Variants in KCNN2 observed in about 807,000 individuals in gnomAD.
KCNN2 encodes the protein small conductance calcium-activated potassium channel protein 2.
KCNN2 carries 24 observed loss-of-function variants against 55.5 expected under a neutral mutation model. That is an observed-to-expected ratio of 0.43 (90% CI 0.31 to 0.61). The LOEUF (loss-of-function observed/expected upper bound fraction) is 0.61, where lower values mean the gene tolerates loss of function less well. Ranked by LOEUF, KCNN2 falls within the 20% of genes least tolerant of loss-of-function variation. The pLI is 0.08. For missense variants in KCNN2, 754 were observed against 853.6 expected (o/e 0.88, Z 1.45); for synonymous variants, 431 against 336.1 (o/e 1.28, Z -3.09).
intron 1 of KCNN2, among the ~76,000 whole-genome samples, chr5:114,079,057 C>G (rs1018009647): frequency 2.6e-5 from 4 of 152,082 alleles, no homozygotes; most frequent in African/African-American, 9.7e-5. Flanking sequence ...TTGATTCTTT[C>G]CACTACCCTG....
At chr5:114,361,647 C>CT (rs1290050356), upstream of KCNN2, among the ~76,000 whole-genome samples, 1 of 55,000 alleles carries the variant, frequency 1.8e-5, no homozygotes, top group Non-Finnish European at 4.1e-5. Flanking sequence ...CCTGAGCCTG[C>CT]CCCCGGCCAA....
intron 2 of KCNN2, among the ~76,000 whole-genome samples, chr5:114,281,006 C>A (rs1281955514): frequency 6.6e-6 from 1 of 152,062 alleles, no homozygotes; most frequent in African/African-American, 2.4e-5. Flanking sequence ...TTAGAGAATA[C>A]CCTACACCCC....
At chr5:114,349,513 G>T (rs1039382118) in intron 2 of KCNN2, among the ~76,000 whole-genome samples, 1 of 151,834 alleles carries the variant, frequency 6.6e-6, no homozygotes, top group African/African-American at 2.4e-5. Context: ...TTAGACTTGG[G>T]TCTCATCCCC....
At chr5:114,309,175 C>G (rs796768272) in intron 2 of KCNN2, among the ~76,000 whole-genome samples, 2 of 152,168 alleles carry the variant, frequency 1.3e-5, no homozygotes, top group Non-Finnish European at 2.9e-5. Flanking sequence ...TATTTGAAAG[C>G]TTGCATATTA....
At chr5:114,443,930 G>A (rs1000537168) in intron 3 of KCNN2, among the ~76,000 whole-genome samples, 1 of 152,170 alleles carries the variant, frequency 6.6e-6, no homozygotes, top group Non-Finnish European at 1.5e-5. Context: ...TAATGGCTTG[G>A]GGTATATGCT....
intron 1 of KCNN2, among the ~76,000 whole-genome samples, chr5:114,211,369 G>T (rs186053186): frequency 6.6e-6 from 1 of 152,028 alleles, no homozygotes; most frequent in Non-Finnish European, 1.5e-5. Flanking sequence ...ACCATGAAAC[G>T]CTATGCAGCC....
At chr5:114,464,979 C>G (rs965726230) in intron 4 of KCNN2, among the ~76,000 whole-genome samples, 30 of 152,192 alleles carry the variant, frequency 2.0e-4, no homozygotes, top group African/African-American at 7.2e-4. Flanking sequence ...ATAAATGATG[C>G]TATTTATAAA....
chr5:114,450,038 C>T (rs1348496883), intron 3 of KCNN2, among the ~76,000 whole-genome samples: 1 of 152,172 alleles, frequency 6.6e-6, no homozygotes, highest in African/African-American at 2.4e-5. Context: ...CTGAACTCTG[C>T]AGAGCAGCTG....
At position 114,412,817 on chromosome 5, in the gene KCNN2, A is replaced by G. The variant is rs184692604; in HGVS notation, c.1637+7961A>G. ...TTCTTTAATAGTTGTAAAAGTAGTC[A>G]TAAAATATGCATTGCAGTGCTGGGA... On this transcript the variant is annotated intron_variant, in intron 3 of 7. Transcript: ENST00000673685. 3.7e-3 allele frequency among the ~76,000 whole-genome samples: 566 copies of G among 152,374 alleles called. 2 individuals are homozygous for G. In the Middle Eastern group the frequency reaches 0.041, roughly 11 times the overall value.
intron 2 of KCNN2, among the ~76,000 whole-genome samples, chr5:114,248,216 A>G (rs1476988200): frequency 2.0e-5 from 3 of 152,194 alleles, no homozygotes; most frequent in African/African-American, 7.2e-5. Context: ...GATGATTCAA[A>G]TACGCATTAT....
chr5:114,165,280 C>T (rs112395845), intron 1 of KCNN2, among the ~76,000 whole-genome samples: 14 of 152,290 alleles, frequency 9.2e-5, no homozygotes, highest in African/African-American at 3.1e-4. Flanking sequence ...ACAGATCCCT[C>T]CTCTTCCTCT....
chr5:114,302,346 A>C (rs1397536629), intron 2 of KCNN2, among the ~76,000 whole-genome samples: 1 of 152,106 alleles, frequency 6.6e-6, no homozygotes, highest in Non-Finnish European at 1.5e-5. Context: ...CATTCCAAAG[A>C]CATTTATTTA....
At chr5:114,339,905 G>T (rs1424613468) in intron 2 of KCNN2, among the ~76,000 whole-genome samples, 1 of 152,096 alleles carries the variant, frequency 6.6e-6, no homozygotes, top group Non-Finnish European at 1.5e-5. Context: ...ACAGAAGGAT[G>T]GTGCTGAATT....
chr5:114,079,671 G>A (rs1176149918), intron 1 of KCNN2, among the ~76,000 whole-genome samples: 1 of 152,072 alleles, frequency 6.6e-6, no homozygotes, highest in East Asian at 1.9e-4. Context: ...ATTTGATTCT[G>A]CTTGCCTTGG....
chr5:114,097,757 A>AC (rs1350167360), intron 1 of KCNN2, among the ~76,000 whole-genome samples: 1 of 152,138 alleles, frequency 6.6e-6, no homozygotes, highest in African/African-American at 2.4e-5. Flanking sequence ...GAGAGTGGCC[A>AC]CTAGCTCCCC....
At chr5:114,440,141 A>G (rs932826580) in intron 3 of KCNN2, among the ~76,000 whole-genome samples, 12 of 152,192 alleles carry the variant, frequency 7.9e-5, no homozygotes, top group Non-Finnish European at 1.8e-4. Context: ...AGCCAAGTAA[A>G]GAAAAAAGAA....
chr5:114,343,585 G>A (rs770098906), intron 2 of KCNN2, among the ~76,000 whole-genome samples: 4 of 152,100 alleles, frequency 2.6e-5, no homozygotes, highest in Non-Finnish European at 5.9e-5. Context: ...AGAAAGGAGA[G>A]AGGGGCAAAA....
At chr5:114,448,259 G>A (rs545222420) in intron 3 of KCNN2, among the ~76,000 whole-genome samples, 18 of 151,360 alleles carry the variant, frequency 1.2e-4, no homozygotes, top group Middle Eastern at 3.4e-3. Context: ...ATATTTTTCC[G>A]GCTTTAACAC....
In KCNN2 at chr5:114,487,186, C is replaced by G; in HGVS notation, c.2018+9C>G. 5 of 1,610,992 alleles carry G rather than the reference C, an allele frequency of 3.1e-6. No individual in the cohort carries two copies. Among genetic ancestry groups the G allele is most frequent in the Non-Finnish European group, 4.2e-6 (5 of 1,178,138 alleles). ...CTGCAAGCTATTCATCAGTAAGTATCATTTTTCATTTTTATCCTGTTGTTG... is the reference window on the plus strand; with the variant it reads ...CTGCAAGCTATTCATCAGTAAGTATGATTTTTCATTTTTATCCTGTTGTTG... On this transcript the variant is annotated intron_variant, in intron 6 of 7. Transcript: ENST00000673685.
Sources: gnomAD v4.1 joint callset for allele counts (sites outside exome capture counted in the v4.1 genomes callset) on GRCh38, gnomAD v4.1.1 for gene constraint, MANE v1.5 for transcripts, NCBI Gene and HGNC (gene_info 2026-07-23, HGNC 2026-07-21) for gene names.